The following THOC5 variants were observed in gnomAD, a reference collection of about 807,000 sequenced individuals.
THOC5 encodes THO complex subunit 5, also known as Fms-interacting protein.
A neutral mutation model predicts 92.9 loss-of-function variants in THOC5; 43 were observed. The ratio of observed to expected loss-of-function variants is 0.46; its 90% CI spans 0.36 to 0.60. The LOEUF (loss-of-function observed/expected upper bound fraction) is 0.60, where lower values mean the gene tolerates loss of function less well. Among genes scored for constraint, THOC5 ranks in the 20% least tolerant of loss-of-function variants. The pLI is 0.00. For synonymous variants in THOC5, 296 were observed against 320.1 expected (o/e 0.92, Z 0.80); for missense variants, 659 against 849.4 (o/e 0.78, Z 2.79).
At chr22:29,524,610 C>G (rs1328602790) in intron 12 of THOC5, among the ~76,000 whole-genome samples, 1 of 152,178 alleles carries the variant, frequency 6.6e-6, no homozygotes, top group African/African-American at 2.4e-5. Context: ...GACAGTGTAA[C>G]TGGGTGCTCA....
chr22:29,552,736 G>A (rs1292280096), intron 1 of THOC5, among the ~76,000 whole-genome samples: 1 of 152,308 alleles, frequency 6.6e-6, no homozygotes, highest in Non-Finnish European at 1.5e-5. Context: ...CCGTCTGGGA[G>A]GTGTACCCAA....
intron 3 of THOC5, among the ~76,000 whole-genome samples, 155 bp from the exon 4 acceptor site, chr22:29,543,697 T>C (rs1190926617): frequency 1.3e-5 from 2 of 151,996 alleles, no homozygotes; most frequent in South Asian, 2.1e-4. Context: ...AAGAGGATGA[T>C]TGTATAAGGA....
At chr22:29,514,315 A>ATT (rs1179250004) in intron 17 of THOC5, among the ~76,000 whole-genome samples, 92 of 137,842 alleles carry the variant, frequency 6.7e-4, no homozygotes, top group East Asian at 3.1e-3. Flanking sequence ...TGACTGAAGA[A>ATT]TTTTTTTTTT....
rs2063141000 is a variant in THOC5 at position 29,506,214 on chromosome 22, T to G, written c.*2243A>C. 1 of 152,190 alleles carries G rather than the reference T, an allele frequency of 6.6e-6. No individual in the cohort carries two copies. Among genetic ancestry groups the G allele is most frequent in the Non-Finnish European group, 1.5e-5 (1 of 68,036 alleles). 9.4% of individuals were successfully genotyped at this position (152,190 alleles called of 1,614,324 possible). A position where few individuals can be genotyped will look rare whatever the true frequency, so the allele number is the denominator to read the frequency against. ...CTGATGGTGGGGTCAAGATACACTTTTTGACAAAACTGTCCAAGAATAGTC... is the reference window on the plus strand; with the variant it reads ...CTGATGGTGGGGTCAAGATACACTTGTTGACAAAACTGTCCAAGAATAGTC... On this transcript the variant is annotated 3_prime_UTR_variant, in exon 20 of 20. Transcript: ENST00000490103.
At chr22:29,540,115 A>G (rs2146536624) in intron 5 of THOC5, among the ~76,000 whole-genome samples, 1 of 152,318 alleles carries the variant, frequency 6.6e-6, no homozygotes, top group South Asian at 2.1e-4. Context: ...CCCCGTCTCT[A>G]CTAAAAATTA....
rs1011742230 is a variant in THOC5, at chr22:29,506,677, T to G, written c.*1780A>C. 2 of 148,998 alleles carry G rather than the reference T, an allele frequency of 1.3e-5. No individual in the cohort carries two copies. 9.2% of individuals were successfully genotyped at this position (148,998 alleles called of 1,614,324 possible). ...ACAACAGAGCAAGACCCTGTCTCAATAAAAAAAAAATATTCTCCTCAAATG... is the reference window on the plus strand; with the variant it reads ...ACAACAGAGCAAGACCCTGTCTCAAGAAAAAAAAAATATTCTCCTCAAATG... On this transcript the variant is annotated 3_prime_UTR_variant, in exon 20 of 20. Transcript: ENST00000490103.
intron 2 of THOC5, among the ~76,000 whole-genome samples, chr22:29,548,615 A>G (rs1377493089): frequency 6.6e-6 from 1 of 152,158 alleles, no homozygotes; most frequent in Admixed American, 6.5e-5. Context: ...AAGGACAGAG[A>G]AACAGACAAA....
intron 6 of THOC5, among the ~76,000 whole-genome samples, chr22:29,538,414 T>C (rs890860477): frequency 2.0e-5 from 3 of 152,204 alleles, no homozygotes; most frequent in Non-Finnish European, 1.5e-5. Context: ...TTTACAAAGC[T>C]TTCTGCCATA....
At chr22:29,552,801 G>C (rs1040807543) in intron 1 of THOC5, among the ~76,000 whole-genome samples, 2 of 152,224 alleles carry the variant, frequency 1.3e-5, no homozygotes, top group Non-Finnish European at 2.9e-5. Flanking sequence ...AGTAGAGAGG[G>C]GGGAAATGTG....
chr22:29,507,357 A>T lies in THOC5; in HGVS notation c.*1100T>A, dbSNP rs2063148668. 1 of 151,970 alleles carries T rather than the reference A, an allele frequency of 6.6e-6. No homozygotes were observed. Among genetic ancestry groups the T allele is most frequent in the African/African-American group, 2.4e-5 (1 of 41,384 alleles). The allele number at this position is 151,970 out of a possible 1,614,324, so 9.4% of individuals were successfully genotyped here. A position where few individuals can be genotyped will look rare whatever the true frequency, so the allele number is the denominator to read the frequency against. On this transcript the variant is annotated 3_prime_UTR_variant, in exon 20 of 20. Coordinates refer to ENST00000490103, the MANE Select transcript of THOC5 (RefSeq NM_003678.5). ...ATAGTAGATATATATTTTCTTCCTT[A>T]TGGCTTTCTTATTTATTTATTTTTG...
At chr22:29,536,361 TAC>T (rs1323153251) in intron 7 of THOC5, 4 of 378,834 alleles carry the variant, frequency 1.1e-5, no homozygotes, top group South Asian at 6.8e-5. Flanking sequence ...AAACTAAATT[TAC>T]ACAGTCTGAG....
At chr22:29,548,796 T>TCA (rs1233154033) in intron 2 of THOC5, among the ~76,000 whole-genome samples, 1 of 152,108 alleles carries the variant, frequency 6.6e-6, no homozygotes, top group African/African-American at 2.4e-5. Context: ...GAGACACATA[T>TCA]CATACTGGAA....
At position 29,508,351 on chromosome 22, in the gene THOC5, C is replaced by T. The variant is rs563665110; in HGVS notation, c.*106G>A. ...TGGTCAGGTGACGCTTTTTAATTGG[C>T]TGGTGTCTTTGGAGAATATCAAGAG... On this transcript the variant is annotated 3_prime_UTR_variant, in exon 20 of 20. Transcript: ENST00000490103. The T allele has an allele frequency of 1.6e-6, 2 of 1,222,780 alleles. No homozygotes were observed. Among genetic ancestry groups the T allele is most frequent in the African/African-American group, 1.5e-5 (1 of 65,914 alleles). 75.7% of individuals were successfully genotyped at this position (1,222,780 alleles called of 1,614,324 possible). A position where few individuals can be genotyped will look rare whatever the true frequency, so the allele number is the denominator to read the frequency against.
chr22:29,539,294 T>C, intron 6 of THOC5, 36 bp downstream of exon 6: 1 of 1,604,844 alleles, frequency 6.2e-7, no homozygotes, highest in Non-Finnish European at 8.5e-7. Context: ...GCACTGACAC[T>C]TTGTGGTTAA....
In THOC5 at chr22:29,544,526, G is replaced by A. The variant is rs1468859613; in HGVS notation, c.174C>T (p.Thr58=). ...PGRDYELYKY[T]CQELQRLMAE... ...CCATCAGCCTCTGTAGCTCCTGGCAGGTGTACTTGTATAACTCATAGTCTC... is the reference window on the plus strand; with the variant it reads ...CCATCAGCCTCTGTAGCTCCTGGCAAGTGTACTTGTATAACTCATAGTCTC... The change falls in exon 3 of 20, where the codon ACC becomes ACT. Residue 58 remains threonine, a synonymous_variant. Coordinates refer to ENST00000490103, the MANE Select transcript of THOC5 (RefSeq NM_003678.5). 6.2e-7 allele frequency: 1 copy of A among 1,614,080 alleles called. No individual in the cohort carries two copies. The highest frequency in any genetic ancestry group is 8.5e-7 in the Non-Finnish European group (1 of 1,180,010).
intron 5 of THOC5, among the ~76,000 whole-genome samples, chr22:29,541,393 G>A (rs1231941592): frequency 6.6e-6 from 1 of 150,692 alleles, no homozygotes; most frequent in African/African-American, 2.4e-5. Flanking sequence ...AATAGTCCCA[G>A]CTACTCAGGA....
intron 15 of THOC5, among the ~76,000 whole-genome samples, chr22:29,518,491 CAT>C (rs2063376169): frequency 1.3e-5 from 2 of 152,270 alleles, no homozygotes; most frequent in African/African-American, 4.8e-5. Context: ...TAGAAGAAAA[CAT>C]AGGCTCAGCC....
intron 7 of THOC5, 138 bp from the exon 8 acceptor site, chr22:29,532,101 C>G (rs142845710): frequency 9.5e-7 from 1 of 1,056,894 alleles, no homozygotes; most frequent in Admixed American, 2.9e-5. Context: ...TGGATAAAAG[C>G]TCAACGTAAA....
intron 11 of THOC5, among the ~76,000 whole-genome samples, chr22:29,527,167 C>T (rs1476668790): frequency 6.6e-6 from 1 of 152,170 alleles, no homozygotes; most frequent in African/African-American, 2.4e-5. Context: ...CGCTTCCAGT[C>T]CTAGCTACTT....
Sources: gnomAD v4.1 joint callset for allele counts (sites outside exome capture counted in the v4.1 genomes callset) on GRCh38, gnomAD v4.1.1 for gene constraint, MANE v1.5 for transcripts, NCBI Gene and HGNC (gene_info 2026-07-23, HGNC 2026-07-21) for gene names.